Variants in LRRC37A3 observed in about 807,000 individuals in gnomAD.
LRRC37A3 encodes leucine-rich repeat-containing protein 37A3.
In LRRC37A3, 25 loss-of-function variants were observed where a neutral mutation model predicts 106.2. The observed-to-expected ratio is 0.24, with a 90% CI of 0.17 to 0.33. LRRC37A3 has a LOEUF of 0.33. Among genes scored for constraint, LRRC37A3 ranks in the 10% least tolerant of loss-of-function variants. LRRC37A3 has a pLI of 1.00. For missense variants in LRRC37A3, 712 were observed against 1,644.9 expected, an observed-to-expected ratio of 0.43 and a Z score of 9.81; for synonymous variants, 305 against 635.8, an observed-to-expected ratio of 0.48 and a Z score of 7.83.
intron 2 of LRRC37A3, among the ~76,000 whole-genome samples, chr17:64,911,098 A>C (rs1290296582): frequency 7.2e-5 from 11 of 152,188 alleles, no homozygotes; most frequent in South Asian, 4.1e-4. Context: ...ACATACACTG[A>C]AAGTCTCACC....
At chr17:64,917,700 C>G (rs1974737003) in intron 2 of LRRC37A3, among the ~76,000 whole-genome samples, 1 of 152,188 alleles carries the variant, frequency 6.6e-6, no homozygotes, top group Non-Finnish European at 1.5e-5. Flanking sequence ...GGCGCGATGG[C>G]TCACACCTGT....
chr17:64,898,793 CCATA>C (rs1367160922), intron 2 of LRRC37A3: 142 of 673,658 alleles, frequency 2.1e-4, no homozygotes, highest in Non-Finnish European at 2.4e-4. Flanking sequence ...AAAAAAAATT[CCATA>C]AATAGTAAAT....
chr17:64,884,290 G>A (rs1383094526), intron 8 of LRRC37A3, among the ~76,000 whole-genome samples: 1 of 150,616 alleles, frequency 6.6e-6, no homozygotes, highest in Non-Finnish European at 1.5e-5. Context: ...TGATTCCAGT[G>A]TTTTCCTGGT....
At chr17:64,870,648 T>C (rs1209907597) in intron 8 of LRRC37A3, among the ~76,000 whole-genome samples, 1 of 152,212 alleles carries the variant, frequency 6.6e-6, no homozygotes, top group East Asian at 1.9e-4. Context: ...GTTATATAAC[T>C]TGTCCTAGGT....
intron 2 of LRRC37A3, among the ~76,000 whole-genome samples, chr17:64,912,268 C>A: frequency 6.8e-6 from 1 of 147,850 alleles, no homozygotes; most frequent in African/African-American, 2.5e-5. Context: ...CATACATACA[C>A]AATGTATGCA....
intron 8 of LRRC37A3, among the ~76,000 whole-genome samples, chr17:64,876,716 G>A (rs1222376586): frequency 6.6e-6 from 1 of 152,046 alleles, no homozygotes; most frequent in Non-Finnish European, 1.5e-5. Context: ...CAAGTAAAGA[G>A]ATTGAGGTAG....
Position 64,858,816 on chromosome 17 carries a change from A to G in LRRC37A3, c.4772T>C (p.Ile1591Thr). 1 of 1,613,490 alleles carries G rather than the reference A, an allele frequency of 6.2e-7. No homozygotes were observed. The highest frequency in any genetic ancestry group is 1.1e-5 in the South Asian group (1 of 91,064). Residue 1591 changes from isoleucine to threonine, a missense_variant, in exon 13 of 15, where the codon ATA becomes ACA. By Grantham distance (89) the Ile-to-Thr change is moderately conservative. Coordinates refer to ENST00000584306, the MANE Select transcript of LRRC37A3 (RefSeq NM_199340.5). ...GAGAAGTATAATCAAAATCGTTAGT[A>G]TTCCAGTCACAATTAACGCCAAGAT... is the stretch of plus-strand genomic sequence containing the variant. ...KLILALIVTG[I>T]LTILIILLCL...
chr17:64,866,614 ATATATATATATATATTTT>A (rs1185696796), intron 10 of LRRC37A3, among the ~76,000 whole-genome samples: 3 of 23,130 alleles, frequency 1.3e-4, no homozygotes, highest in African/African-American at 6.4e-4. Context: ...ATATATATAT[ATATATATATATATATTTT>A]TTTTTTTTTT....
At chr17:64,869,673 T>C (rs1424184332) in intron 8 of LRRC37A3, among the ~76,000 whole-genome samples, 1 of 151,014 alleles carries the variant, frequency 6.6e-6, no homozygotes, top group Non-Finnish European at 1.5e-5. Flanking sequence ...TCCGAGTAGC[T>C]GGGATTACAG....
At chr17:64,899,487 C>T (rs1464473304) in intron 2 of LRRC37A3, among the ~76,000 whole-genome samples, 7 of 139,744 alleles carry the variant, frequency 5.0e-5, no homozygotes, top group Non-Finnish European at 4.5e-5. Context: ...TATACGCTTA[C>T]GGAACCACCA....
At chr17:64,919,169 G>GGGCGGCGGC (rs970251921) in intron 1 of LRRC37A3, among the ~76,000 whole-genome samples, 4 of 151,444 alleles carry the variant, frequency 2.6e-5, no homozygotes, top group East Asian at 1.9e-4. Context: ...GTCCGGACGT[G>GGGCGGCGGC]GGCGGCGGCG....
At chr17:64,870,084 T>C (rs1466766785) in intron 8 of LRRC37A3, among the ~76,000 whole-genome samples, 1 of 122,156 alleles carries the variant, frequency 8.2e-6, no homozygotes, top group Non-Finnish European at 1.6e-5. Flanking sequence ...AGAGACCACA[T>C]TTTTTTTTTT....
chr17:64,865,751 C>G (rs1163573240), intron 10 of LRRC37A3, among the ~76,000 whole-genome samples: 2 of 152,192 alleles, frequency 1.3e-5, no homozygotes, highest in Non-Finnish European at 1.5e-5. Flanking sequence ...CTCAATGGAA[C>G]TTCATATTAT....
At position 64,854,467 on chromosome 17, in the gene LRRC37A3, G is replaced by A. The variant is rs867666444; in HGVS notation, c.*132C>T. On this transcript the variant is annotated 3_prime_UTR_variant, in exon 15 of 15. Transcript: ENST00000584306. ...TAGACTGGGAAACAAGGGCAGGAAC[G>A]ATGGCCCTGTGCTTGCTCTGCCCGC... 201 of 1,299,088 alleles carry A rather than the reference G, an allele frequency of 1.5e-4. 1 individual carries two copies. The Middle Eastern group carries it at 1.9e-3, about 12-fold the overall frequency. The allele number at this position is 1,299,088 out of a possible 1,614,324, so 80.5% of individuals were successfully genotyped here.
At chr17:64,879,964 TTTG>T (rs1169914893) in intron 8 of LRRC37A3, among the ~76,000 whole-genome samples, 33 of 152,130 alleles carry the variant, frequency 2.2e-4, no homozygotes, top group Middle Eastern at 6.8e-3. Flanking sequence ...CTTAGCAAAG[TTTG>T]TTATCTTTCC....
chr17:64,916,399 G>A (rs1387209493), intron 2 of LRRC37A3, among the ~76,000 whole-genome samples: 8 of 152,112 alleles, frequency 5.3e-5, no homozygotes, highest in African/African-American at 9.7e-5. Context: ...GCGAGACTCC[G>A]TCTCAAATAA....
At chr17:64,893,648 A>ATTTTTTT (rs3972251) in intron 4 of LRRC37A3, among the ~76,000 whole-genome samples, 2 of 86,948 alleles carry the variant, frequency 2.3e-5, no homozygotes, top group Non-Finnish European at 4.4e-5. Context: ...CCCTCCTATC[A>ATTTTTTT]TTTTTTTTTT....
intron 2 of LRRC37A3, among the ~76,000 whole-genome samples, chr17:64,904,236 T>C (rs1974396976): frequency 1.3e-5 from 2 of 152,384 alleles, no homozygotes; most frequent in Non-Finnish European, 2.9e-5. Context: ...CTCCAGCACC[T>C]TGGGATCCTG....
At chr17:64,874,471 G>GT (rs1973435617) in intron 8 of LRRC37A3, among the ~76,000 whole-genome samples, 1 of 151,712 alleles carries the variant, frequency 6.6e-6, no homozygotes, top group Non-Finnish European at 1.5e-5. Context: ...CATCCGGGAG[G>GT]GAGGTGGGGG....
Sources: gnomAD v4.1 joint callset for allele counts (sites outside exome capture counted in the v4.1 genomes callset) on GRCh38, gnomAD v4.1.1 for gene constraint, MANE v1.5 for transcripts, NCBI Gene and HGNC (gene_info 2026-07-23, HGNC 2026-07-21) for gene names.